Variants in GATAD2A observed in about 807,000 individuals in gnomAD.
The protein encoded by GATAD2A is GATA zinc finger domain containing 2A.
In GATAD2A, 12 loss-of-function variants were observed where a neutral mutation model predicts 68.5. That is an observed-to-expected ratio of 0.18 (90% confidence interval 0.11 to 0.28). The LOEUF (loss-of-function observed/expected upper bound fraction) is 0.28. GATAD2A is among the 10% of genes least tolerant of loss of function. The probability of loss-of-function intolerance (pLI) is 1.00; values close to 1 mark genes in which losing one functional copy is unlikely to be tolerated. For missense variants in GATAD2A, 755 were observed against 868.5 expected (o/e 0.87, Z 1.64); for synonymous variants, 410 against 375.3 (o/e 1.09, Z -1.07).
At chr19:19,398,379 T>A (rs1172490684) in intron 1 of GATAD2A, among the ~76,000 whole-genome samples, 1 of 151,852 alleles carries the variant, frequency 6.6e-6, no homozygotes, top group Non-Finnish European at 1.5e-5. Context: ...AATTTTTGCA[T>A]TTTTAGTAGA....
Position 19,498,579 on chromosome 19 carries a change from A to G in GATAD2A, c.1061A>G (p.Lys354Arg). The change falls in exon 8 of 12, where the codon AAA (lysine) becomes AGA (arginine). Residue 354 changes from lysine to arginine, a missense_variant. Physicochemically the swap from Lys to Arg is conservative, Grantham distance 26. Coordinates refer to ENST00000683918, the MANE Select transcript of GATAD2A (RefSeq NM_001384528.1). ...RQAAAKLALR[K>R]QLEKTLLEIP... The stretch of plus-strand genomic sequence containing the variant: ...GCGGCCGCCAAGCTGGCGCTGCGCA[A>G]ACAGCTGGAGAAGACGCTACTCGAG... 1.9e-6 allele frequency: 3 copies of G among 1,613,928 alleles called. No individual in the cohort carries two copies. Among genetic ancestry groups the G allele is most frequent in the Non-Finnish European group, 2.5e-6 (3 of 1,180,020 alleles).
intron 1 of GATAD2A, among the ~76,000 whole-genome samples, chr19:19,432,610 T>C (rs1204219887): frequency 6.6e-6 from 1 of 152,200 alleles, no homozygotes; most frequent in Non-Finnish European, 1.5e-5. Flanking sequence ...CTGACAGTCG[T>C]TTTTTAAAGG....
chr19:19,448,471 G>T (rs1411755609), intron 1 of GATAD2A, among the ~76,000 whole-genome samples: 3 of 152,222 alleles, frequency 2.0e-5, no homozygotes, highest in Non-Finnish European at 4.4e-5. Context: ...AGCACAGGGA[G>T]CTATTGGTAG....
At chr19:19,423,765 T>A (rs1201282246) in intron 1 of GATAD2A, among the ~76,000 whole-genome samples, 5 of 152,194 alleles carry the variant, frequency 3.3e-5, no homozygotes, top group African/African-American at 1.2e-4. Context: ...GTGTGGGGGC[T>A]TGAGGTCTGC....
At chr19:19,391,169 G>A (rs984017430) in intron 1 of GATAD2A, among the ~76,000 whole-genome samples, 4 of 152,334 alleles carry the variant, frequency 2.6e-5, no homozygotes, top group African/African-American at 9.6e-5. Context: ...TCACTTACTA[G>A]TATGGGAATA....
chr19:19,422,473 G>A (rs542272719), intron 1 of GATAD2A, among the ~76,000 whole-genome samples: 1 of 152,104 alleles, frequency 6.6e-6, no homozygotes, highest in Non-Finnish European at 1.5e-5. Flanking sequence ...CCCAAGCCTC[G>A]GTGTCCCTTC....
chr19:19,466,079 T>C (rs2057842811), intron 2 of GATAD2A, among the ~76,000 whole-genome samples: 1 of 152,214 alleles, frequency 6.6e-6, no homozygotes, highest in African/African-American at 2.4e-5. Context: ...TCGGAGCGGG[T>C]ACGGGATGCT....
intron 2 of GATAD2A, among the ~76,000 whole-genome samples, chr19:19,470,958 C>G (rs182159375): frequency 9.2e-5 from 14 of 152,180 alleles, no homozygotes; most frequent in Non-Finnish European, 1.5e-4. Flanking sequence ...TCATACTGGT[C>G]GAAAAGTAGA....
intron 1 of GATAD2A, among the ~76,000 whole-genome samples, chr19:19,459,921 T>C (rs569853633): frequency 6.6e-5 from 10 of 152,346 alleles, no homozygotes; most frequent in African/African-American, 2.4e-4. Flanking sequence ...CATTGAGAAG[T>C]CCAGAGCTGC....
chr19:19,455,001 A>T (rs2056793785), intron 1 of GATAD2A, among the ~76,000 whole-genome samples: 1 of 152,204 alleles, frequency 6.6e-6, no homozygotes, highest in Non-Finnish European at 1.5e-5. Context: ...AGGTATGTAC[A>T]GTTGGGCCTC....
At chr19:19,482,343 G>A (rs2059118322) in intron 2 of GATAD2A, among the ~76,000 whole-genome samples, 1 of 152,232 alleles carries the variant, frequency 6.6e-6, no homozygotes, top group Non-Finnish European at 1.5e-5. Context: ...GGCAGAGTTT[G>A]CAGTGAGCCA....
intron 1 of GATAD2A, among the ~76,000 whole-genome samples, chr19:19,417,711 C>T (rs1451963308): frequency 1.3e-5 from 2 of 152,126 alleles, no homozygotes; most frequent in African/African-American, 4.8e-5. Context: ...TTGAATTGGG[C>T]AGAAGAAAGG....
chr19:19,405,661 G>C (rs1007659137), upstream of GATAD2A: 24 of 151,880 alleles, frequency 1.6e-4, no homozygotes, highest in African/African-American at 5.8e-4. Flanking sequence ...GTCAGGCCCC[G>C]CCCCTCGGTC....
At chr19:19,458,373 TTTAC>T (rs1340065312) in intron 1 of GATAD2A, 1 of 152,252 alleles carries the variant, frequency 6.6e-6, no homozygotes, top group East Asian at 1.9e-4. Flanking sequence ...ATGAAAGCAC[TTTAC>T]TTGTTTGCTC....
intron 1 of GATAD2A, among the ~76,000 whole-genome samples, chr19:19,429,430 C>T (rs1356661556): frequency 2.6e-5 from 4 of 152,086 alleles, no homozygotes; most frequent in African/African-American, 7.2e-5. Context: ...GAGCATGGAA[C>T]GTGTATGCTC....
chr19:19,499,549 A>G (rs1294986301), intron 8 of GATAD2A, among the ~76,000 whole-genome samples: 1 of 152,086 alleles, frequency 6.6e-6, no homozygotes, highest in Non-Finnish European at 1.5e-5. Context: ...TGCCCAGGAT[A>G]CAGAGGGAGG....
chr19:19,478,894 CTTA>C (rs1568322359), intron 2 of GATAD2A, among the ~76,000 whole-genome samples: 1 of 151,950 alleles, frequency 6.6e-6, no homozygotes, highest in Non-Finnish European at 1.5e-5. Flanking sequence ...GCATAAATAA[CTTA>C]TTATTAAAAA....
At chr19:19,485,587 C>T (rs567877593) in intron 2 of GATAD2A, among the ~76,000 whole-genome samples, 128 of 152,326 alleles carry the variant, frequency 8.4e-4, no homozygotes, top group African/African-American at 2.9e-3. Flanking sequence ...TCCGAGGGCT[C>T]AGGCAGAAGC....
At chr19:19,492,275 C>T (rs1266294972) in intron 2 of GATAD2A, 31 bp from the exon 3 acceptor site, 5 of 1,583,790 alleles carry the variant, frequency 3.2e-6, no homozygotes, top group African/African-American at 1.3e-5. Context: ...CTGTCAAGGG[C>T]GCTCTGGTCA....
Sources: allele counts gnomAD v4.1 joint callset (sites outside exome capture counted in the v4.1 genomes callset), GRCh38; gene constraint gnomAD v4.1.1; transcripts MANE v1.5; gene names NCBI Gene and HGNC (gene_info 2026-07-23, HGNC 2026-07-21).